The following ENOSF1 variants were observed in gnomAD, a reference collection of about 807,000 sequenced individuals.
ENOSF1 encodes enolase superfamily member 1.
In ENOSF1, 73 loss-of-function variants were observed where a neutral mutation model predicts 68.2. The observed-to-expected ratio is 1.07, with a 90% confidence interval of 0.89 to 1.30. The LOEUF is 1.30. ENOSF1 is among the 50% of genes most tolerant of loss of function. The pLI is 0.00. For synonymous variants in ENOSF1, 223 were observed against 210.4 expected, an observed-to-expected ratio of 1.06 and a Z score of -0.52; for missense variants, 589 against 554.5, an observed-to-expected ratio of 1.06 and a Z score of -0.62.
intron 1 of ENOSF1, among the ~76,000 whole-genome samples, chr18:708,622 G>C (rs2079188784): frequency 6.6e-6 from 1 of 152,190 alleles, no homozygotes; most frequent in Non-Finnish European, 1.5e-5. Flanking sequence ...GCTGTTAGCT[G>C]AATGTGCTTC....
intron 6 of ENOSF1, 37 bp from the exon 7 acceptor site, chr18:691,143 A>G: frequency 6.2e-7 from 1 of 1,613,972 alleles, no homozygotes; most frequent in East Asian, 2.2e-5. Context: ...CTCTTTTAGG[A>G]AACAAAGCAT....
rs1478771630 is a variant in ENOSF1, at chr18:706,511, C to T, written c.152G>A (p.Gly51Glu). 6.2e-7 allele frequency: 1 copy of T among 1,613,768 alleles called. No homozygotes were observed. Among genetic ancestry groups the T allele is most frequent in the African/African-American group, 1.3e-5 (1 of 74,870 alleles). Reference protein sequence around the residue: ...IETDAEDGIKGCGITFTLGKG... With the variant: ...IETDAEDGIKECGITFTLGKG... The stretch of plus-strand genomic sequence containing the variant: ...TCCCAGAGTGAAGGTAATTCCACAC[C>T]CCTTGATTCCATCTTCTGCATCAGT... The change falls in exon 2 of 16, where the codon GGG becomes GAG. Residue 51 changes from glycine (G) to glutamate (E), a missense_variant. Coordinates refer to ENST00000647584, the MANE Select transcript of ENOSF1 (RefSeq NM_017512.7).
chr18:693,908 G>C lies in ENOSF1; in HGVS notation c.397C>G (p.Pro133Ala). 6.8e-6 allele frequency: 11 copies of C among 1,613,834 alleles called. No individual in the cohort carries two copies. The highest frequency in any genetic ancestry group is 9.3e-6 in the Non-Finnish European group (11 of 1,179,932). The change falls in exon 5 of 16, where the codon CCT becomes GCT. Residue 133 changes from proline (P) to alanine (A), a missense_variant and splice_region_variant. Transcript: ENST00000647584. ...WDLWAKQEGK[P>A]VWKLLVDMDP... ...ATGTCCACAAGTAACTTCCAGACAG[G>C]CTTGAAGTAAAAAAGAAAGGATTTG...
chr18:666,891 AGATGGT>A (rs140212927), downstream of ENOSF1, among the ~76,000 whole-genome samples: 418 of 62,176 alleles, frequency 6.7e-3, 55 homozygotes, highest in African/African-American at 0.036. Flanking sequence ...AAAGTTCGGG[AGATGGT>A]GATGGAGATG....
At chr18:667,617 G>GGTGATGGTGATGGTGATGGTGATGGTGAT (rs201838394), downstream of ENOSF1, 1 of 46,616 alleles carries the variant, frequency 2.1e-5, no homozygotes, top group Non-Finnish European at 4.3e-5. Context: ...TGATGGAGAT[G>GGTGATGGTGATGGTGATGGTGATGGTGAT]GGTGATGGTG....
At position 673,478 on chromosome 18, in the gene ENOSF1, A is replaced by AAAG; in HGVS notation, c.*824_*826dup. ...TAGTTGTTTTATATGTTGCTATAATAAAGAAGTGTTCTGCATTCGTCCACG... is the reference window on the plus strand; with the variant it reads ...TAGTTGTTTTATATGTTGCTATAATAAAGAAGAAGTGTTCTGCATTCGTCCACG... On this transcript the variant is annotated 3_prime_UTR_variant, in exon 16 of 16. Coordinates refer to ENST00000647584, the MANE Select transcript of ENOSF1 (RefSeq NM_017512.7). The AAAG allele has an allele frequency of 4.7e-6, 1 of 211,606 alleles. No homozygotes were observed. Among genetic ancestry groups the AAAG allele is most frequent in the Non-Finnish European group, 9.5e-6 (1 of 104,778 alleles). 13.1% of individuals were successfully genotyped at this position (211,606 alleles called of 1,614,324 possible). A position where few individuals can be genotyped will look rare whatever the true frequency, so the allele number is the denominator to read the frequency against.
In ENOSF1 at chr18:694,294, G is replaced by A. The variant is rs756172667; in HGVS notation, c.350C>T (p.Ala117Val). The change falls in exon 4 of 16, where the codon GCC (alanine) becomes GTC (valine). Residue 117 changes from alanine (A) to valine (V), a missense_variant. Transcript: ENST00000647584. ...EKGVVHLATA[A>V]VLNAVWDLWA... ...CAAGTCCCACACCGCGTTTAGGACG[G>A]CCGCTGTCGCCAGGTGCACCACGCC... 2.1e-5 allele frequency: 34 copies of A among 1,614,060 alleles called. No individual in the cohort carries two copies. In the Admixed American group the frequency reaches 4.7e-4, roughly 22 times the overall value.
chr18:696,204 C>CTTTTTTTTTTTTT (rs368856668), intron 3 of ENOSF1, among the ~76,000 whole-genome samples: 12 of 118,706 alleles, frequency 1.0e-4, no homozygotes, highest in African/African-American at 1.3e-4. Context: ...ACATCTCTCT[C>CTTTTTTTTTTTTT]TTTTTTTTTT....
chr18:707,062 A>G (rs1024520500), intron 1 of ENOSF1, among the ~76,000 whole-genome samples: 1 of 151,980 alleles, frequency 6.6e-6, no homozygotes, highest in Non-Finnish European at 1.5e-5. Flanking sequence ...CAGGTGATCC[A>G]CCTGCCTTGG....
At position 685,861 on chromosome 18, in the gene ENOSF1, G is replaced by A. The variant is rs150853806; in HGVS notation, c.741+60C>T. 681 of 1,251,736 alleles carry A rather than the reference G, an allele frequency of 5.4e-4. 3 individuals are homozygous for A. The African/African-American group carries it at 8.2e-3, about 15-fold the overall frequency. The allele number at this position is 1,251,736 out of a possible 1,614,324, so 77.5% of individuals were successfully genotyped here. On this transcript the variant is annotated intron_variant, in intron 10 of 15. Coordinates refer to ENST00000647584, the MANE Select transcript of ENOSF1 (RefSeq NM_017512.7). Reference sequence around the variant, plus strand: ...TCCCAATGTTCTTTAATCTTGAAACGAGTTGTATTTAGCCCTGGACAAAGG... The same window carrying A: ...TCCCAATGTTCTTTAATCTTGAAACAAGTTGTATTTAGCCCTGGACAAAGG...
downstream of ENOSF1, among the ~76,000 whole-genome samples, chr18:667,179 T>TGATGG (rs1426821682): frequency 1.5e-5 from 1 of 64,762 alleles, no homozygotes; most frequent in South Asian, 5.7e-4. Context: ...ATGGTGATGG[T>TGATGG]GATGGTGATG....
intron 1 of ENOSF1, among the ~76,000 whole-genome samples, chr18:709,396 G>C (rs116863223): frequency 6.6e-6 from 1 of 152,168 alleles, no homozygotes; most frequent in African/African-American, 2.4e-5. Context: ...AGCGGAAAAC[G>C]TATCTGAGGG....
intron 5 of ENOSF1, chr18:692,596 TAAAAAAAAA>T (rs201965262): frequency 2.1e-6 from 1 of 474,392 alleles, no homozygotes; most frequent in African/African-American, 2.8e-5. Context: ...AAACTCCGTC[TAAAAAAAAA>T]AAAAAGAAAG....
intron 1 of ENOSF1, chr18:707,563 T>G (rs187105467): frequency 2.3e-4 from 35 of 152,296 alleles, no homozygotes; most frequent in African/African-American, 8.2e-4. Context: ...ATTCACTAAT[T>G]TTTTGTTTTG....
chr18:706,817 T>TA (rs200437325), intron 1 of ENOSF1: 107 of 63,736 alleles, frequency 1.7e-3, no homozygotes, highest in African/African-American at 5.2e-3. Flanking sequence ...ATATATATAT[T>TA]TTTTTTTTTT....
At chr18:706,427 G>T in intron 2 of ENOSF1, 43 bp downstream of exon 2, 1 of 1,276,026 alleles carries the variant, frequency 7.8e-7, no homozygotes, top group Non-Finnish European at 1.1e-6. Context: ...AATCTCATCT[G>T]AAAATTAAGC....
chr18:675,943 T>C (rs2074557435), intron 14 of ENOSF1, among the ~76,000 whole-genome samples: 1 of 152,066 alleles, frequency 6.6e-6, no homozygotes, highest in African/African-American at 2.4e-5. Flanking sequence ...AACAGGTCCA[T>C]GGGACCACAA....
rs2075147591 is a variant in ENOSF1 at position 673,195 on chromosome 18, A to G, written c.*1110T>C. On this transcript the variant is annotated 3_prime_UTR_variant, in exon 16 of 16. Transcript: ENST00000647584. ...GTTCTTTCCATAATAAAAGGCTTTG[A>G]GTTAACTCACTGAGGGTATCTGACA... The G allele has an allele frequency of 2.1e-6, 1 of 485,212 alleles. No individual in the cohort carries two copies. The highest frequency in any genetic ancestry group is 3.5e-5 in the Admixed American group (1 of 28,206). 30.1% of individuals were successfully genotyped at this position (485,212 alleles called of 1,614,324 possible).
rs766984806 is a variant in ENOSF1 at position 675,338 on chromosome 18, A to G, written c.1213T>C (p.Ser405Pro). The G allele has an allele frequency of 3.0e-5, 48 of 1,612,088 alleles. 1 individual carries two copies. In the Admixed American group the frequency reaches 7.4e-4, roughly 25 times the overall value. Reference sequence around the variant, plus strand: ...CAGCTTACCTTGGGAGGCATGTAGGAAGCCCGCTGGATCATCACGGGATAC... The same window carrying G: ...CAGCTTACCTTGGGAGGCATGTAGGGAGCCCGCTGGATCATCACGGGATAC... The part of the protein sequence containing the change: ...FKYPVMIQRA[S>P]YMPPKDPGYS... The change falls in exon 15 of 16, where the codon TCC becomes CCC. Residue 405 changes from serine (S) to proline (P), a missense_variant. Physicochemically the swap from Ser to Pro is moderately conservative, Grantham distance 74 (BLOSUM62 -1). Coordinates refer to ENST00000647584, the MANE Select transcript of ENOSF1 (RefSeq NM_017512.7).
Sources: gnomAD v4.1 joint callset for allele counts (sites outside exome capture counted in the v4.1 genomes callset) on GRCh38, gnomAD v4.1.1 for gene constraint, MANE v1.5 for transcripts, NCBI Gene and HGNC (gene_info 2026-07-23, HGNC 2026-07-21) for gene names.